The following CWC22 variants were observed in gnomAD, a reference collection of about 807,000 sequenced individuals.
CWC22 encodes pre-mRNA-splicing factor CWC22 homolog.
In CWC22, 53 loss-of-function variants were observed where a neutral mutation model predicts 117.2. The ratio of observed to expected loss-of-function variants is 0.45; its 90% CI spans 0.36 to 0.57. The LOEUF is 0.57. Among genes scored for constraint, CWC22 ranks in the 20% least tolerant of loss-of-function variants. The pLI is 0.00. For missense variants in CWC22, 980 were observed against 1,068.8 expected, an observed-to-expected ratio of 0.92 and a Z score of 1.16; for synonymous variants, 360 against 355.6, an observed-to-expected ratio of 1.01 and a Z score of -0.14.
rs1220304670 is a variant in CWC22, at chr2:179,970,687, G to A, written c.1110C>T (p.Leu370=). The change falls in exon 10 of 20, where the codon CTC becomes CTT. Residue 370 remains leucine (L), a synonymous_variant. Transcript: ENST00000410053. The part of the protein sequence containing the change: ...VEEDDQFTHM[L]PLEDDYNPED... ...CTGGATTATAGTCATCCTCCAGAGG[G>A]AGCATATGAGTGAATTGATCATCTT... 2 of 1,613,600 alleles carry A rather than the reference G, an allele frequency of 1.2e-6. No homozygotes were observed. The highest frequency in any genetic ancestry group is 1.7e-6 in the Non-Finnish European group (2 of 1,179,698).
At chr2:179,974,960 G>A (rs2105532867) in intron 6 of CWC22, among the ~76,000 whole-genome samples, 1 of 152,182 alleles carries the variant, frequency 6.6e-6, no homozygotes, top group South Asian at 2.1e-4. Flanking sequence ...TGTTGCCCAG[G>A]CAACTCCTGG....
intron 1 of CWC22, among the ~76,000 whole-genome samples, chr2:180,003,895 C>T (rs1687906752): frequency 6.6e-6 from 1 of 152,192 alleles, no homozygotes; most frequent in Non-Finnish European, 1.5e-5. Flanking sequence ...TATATAAAGG[C>T]TAGCTATAAT....
intron 1 of CWC22, among the ~76,000 whole-genome samples, 191 bp from the exon 2 acceptor site, chr2:179,993,645 A>C (rs1203850084): frequency 6.6e-6 from 1 of 152,194 alleles, no homozygotes; most frequent in African/African-American, 2.4e-5. Context: ...GTAGAAAAAA[A>C]ATCCATGAAC....
intron 14 of CWC22, 144 bp downstream of exon 14, chr2:179,958,878 A>G (rs916346989): frequency 9.4e-6 from 5 of 534,584 alleles, no homozygotes; most frequent in African/African-American, 7.6e-5. Flanking sequence ...CTTTGTGTTA[A>G]CTTAAAATGA....
chr2:179,989,724 T>A (rs2105551089), intron 2 of CWC22, among the ~76,000 whole-genome samples: 1 of 152,282 alleles, frequency 6.6e-6, no homozygotes, highest in African/African-American at 2.4e-5. Flanking sequence ...GGAACCAAAA[T>A]GTTTACCTCT....
In CWC22 at chr2:180,007,142, A is replaced by G. The variant is rs1181012184; in HGVS notation, c.-389T>C. On this transcript the variant is annotated 5_prime_UTR_variant, in exon 1 of 20. Coordinates refer to ENST00000410053, the MANE Select transcript of CWC22 (RefSeq NM_020943.3). ...CTTCCCGAGCACCGACGGTAGGAAG[A>G]AGGCGAATAGTGAAATATTTAAAAA... 1 of 152,232 alleles carries G rather than the reference A, an allele frequency of 6.6e-6. No individual in the cohort carries two copies. Among genetic ancestry groups the G allele is most frequent in the African/African-American group, 2.4e-5 (1 of 41,454 alleles). 9.4% of individuals were successfully genotyped at this position (152,232 alleles called of 1,614,324 possible).
intron 1 of CWC22, among the ~76,000 whole-genome samples, chr2:179,993,760 G>C (rs1687630700): frequency 6.6e-6 from 1 of 151,908 alleles, no homozygotes; most frequent in South Asian, 2.1e-4. Flanking sequence ...TAGTGAGGGA[G>C]ATACATACCT....
chr2:179,984,533 G>T (rs948407714), intron 4 of CWC22, among the ~76,000 whole-genome samples: 2 of 152,042 alleles, frequency 1.3e-5, no homozygotes, highest in Admixed American at 6.5e-5. Flanking sequence ...AGAGGAATTT[G>T]GTCAAAATTC....
At chr2:179,976,353 T>C (rs1687151766) in intron 6 of CWC22, among the ~76,000 whole-genome samples, 1 of 152,154 alleles carries the variant, frequency 6.6e-6, no homozygotes, top group African/African-American at 2.4e-5. Context: ...ACTGGTATGG[T>C]TAATGATTTT....
intron 14 of CWC22, among the ~76,000 whole-genome samples, chr2:179,956,473 T>C (rs1252731157): frequency 1.3e-5 from 2 of 151,612 alleles, no homozygotes; most frequent in South Asian, 2.1e-4. Context: ...GGAAGTTGTA[T>C]TGGACAGCAC....
At chr2:179,965,752 C>G in intron 12 of CWC22, 126 bp downstream of exon 12, 1 of 762,890 alleles carries the variant, frequency 1.3e-6, no homozygotes, top group Non-Finnish European at 2.0e-6. Context: ...CTAGTCTTCA[C>G]CTCCTAGACG....
At chr2:179,967,757 T>C (rs1462401077) in intron 11 of CWC22, among the ~76,000 whole-genome samples, 1 of 150,330 alleles carries the variant, frequency 6.7e-6, no homozygotes, top group Non-Finnish European at 1.5e-5. Flanking sequence ...ATATATACAA[T>C]GGTGACAGTT....
intron 2 of CWC22, among the ~76,000 whole-genome samples, chr2:179,989,327 G>T (rs529671483): frequency 6.6e-6 from 1 of 151,632 alleles, no homozygotes; most frequent in Admixed American, 6.6e-5. Flanking sequence ...GCATGATCAC[G>T]GCTCACTGCA....
intron 2 of CWC22, among the ~76,000 whole-genome samples, chr2:179,989,115 T>C (rs3845703): frequency 0.62 from 94,050 of 151,626 alleles, 29,993 homozygotes; most frequent in Middle Eastern, 0.71. Context: ...CTAAAACCCA[T>C]TGTATCATTC....
In CWC22 at chr2:179,945,439, TG is replaced by T; in HGVS notation, c.2416del (p.Gln806LysfsTer5). On this transcript the variant is annotated frameshift_variant, in exon 20 of 20. Transcript: ENST00000410053. LOFTEE classifies it high-confidence loss of function. The part of the protein sequence containing the change: ...NYSRVANDRD[Q>X]EMHIDLENKH... ...ATTTTCCAAATCTATATGCATTTCT[TG>T]GTCTCTGTCATTCGCAACTCTACTG... 1.2e-6 allele frequency: 2 copies of T among 1,613,100 alleles called. No individual in the cohort carries two copies. The highest frequency in any genetic ancestry group is 1.7e-6 in the Non-Finnish European group (2 of 1,179,354).
chr2:179,985,214 T>C (rs984549503), intron 4 of CWC22, among the ~76,000 whole-genome samples: 1 of 151,996 alleles, frequency 6.6e-6, no homozygotes, highest in Non-Finnish European at 1.5e-5. Context: ...AAGTGTAAAA[T>C]ATAGACATCC....
intron 13 of CWC22, among the ~76,000 whole-genome samples, chr2:179,959,671 A>G (rs558933439): frequency 1.3e-5 from 2 of 152,272 alleles, no homozygotes; most frequent in African/African-American, 4.8e-5. Context: ...CCTGTTCAGC[A>G]TGTTACTGTA....
intron 6 of CWC22, among the ~76,000 whole-genome samples, chr2:179,975,956 T>C (rs951499877): frequency 6.6e-6 from 1 of 152,132 alleles, no homozygotes; most frequent in Non-Finnish European, 1.5e-5. Flanking sequence ...ACAGCAATCT[T>C]GAACAAAAAG....
At chr2:180,001,851 T>C (rs1489862409) in intron 1 of CWC22, among the ~76,000 whole-genome samples, 1 of 152,236 alleles carries the variant, frequency 6.6e-6, no homozygotes, top group East Asian at 1.9e-4. Flanking sequence ...CATTTGTCCA[T>C]CCCTTTAATA....
Sources: allele counts gnomAD v4.1 joint callset (sites outside exome capture counted in the v4.1 genomes callset), GRCh38; gene constraint gnomAD v4.1.1; transcripts MANE v1.5; gene names NCBI Gene and HGNC (gene_info 2026-07-23, HGNC 2026-07-21).